The following GOLGA3 variants were observed in gnomAD, a reference collection of about 807,000 sequenced individuals.
GOLGA3 encodes the protein golgin subfamily A member 3.
GOLGA3 carries 75 observed loss-of-function variants against 169.4 expected under a neutral mutation model. That is an observed-to-expected ratio of 0.44 (90% confidence interval 0.37 to 0.54). The LOEUF (loss-of-function observed/expected upper bound fraction) is 0.54, where lower values mean the gene tolerates loss of function less well. Among genes scored for constraint, GOLGA3 ranks in the 20% least tolerant of loss-of-function variants. GOLGA3 has a pLI of 0.00. For missense variants in GOLGA3, 1,899 were observed against 1,930.0 expected (o/e 0.98, Z 0.30); for synonymous variants, 824 against 822.4 (o/e 1.00, Z -0.03).
intron 12 of GOLGA3, among the ~76,000 whole-genome samples, chr12:132,790,329 A>C (rs2046163112): frequency 6.6e-6 from 1 of 152,080 alleles, no homozygotes; most frequent in Admixed American, 6.6e-5. Context: ...GCGAGACTTC[A>C]TCTCAAAAAT....
chr12:132,786,470 C>A lies in GOLGA3; in HGVS notation c.2992G>T (p.Ala998Ser), dbSNP rs1442490104. 6.2e-7 allele frequency: 1 copy of A among 1,613,788 alleles called. No individual in the cohort carries two copies. The highest frequency in any genetic ancestry group is 1.1e-5 in the South Asian group (1 of 91,074). The change falls in exon 15 of 24, where the codon GCC becomes TCC. Residue 998 changes from alanine (A) to serine (S), a missense_variant. Transcript: ENST00000450791. ...AQKEMKTKHK[A>S]YENAVGILSR... ...AGGATGCCCACGGCGTTCTCGTAGG[C>A]CTTATGTTTGGTCTTCATCTCCTTC...
intron 2 of GOLGA3, among the ~76,000 whole-genome samples, chr12:132,819,098 G>C (rs1281522077): frequency 6.6e-6 from 1 of 150,728 alleles, no homozygotes. Flanking sequence ...GGGGAGGGAG[G>C]GTCCTCAGGG....
chr12:132,796,668 C>T lies in GOLGA3; in HGVS notation c.1971G>A (p.Met657Ile), dbSNP rs1948857531. The change falls in exon 10 of 24, where the codon ATG becomes ATA. Residue 657 changes from methionine (M) to isoleucine (I), a missense_variant. Transcript: ENST00000450791. ...ADMLDQEAAF[M>I]QIQEAKTMVE... is the part of the protein sequence containing the mutation. The stretch of plus-strand genomic sequence containing the variant: ...CCATCGTCTTTGCCTCCTGAATCTG[C>T]ATGAAGGCTGCTTCCTGATCCAACA... The T allele has an allele frequency of 6.2e-7, 1 of 1,614,072 alleles. No homozygotes were observed. Among genetic ancestry groups the T allele is most frequent in the South Asian group, 1.1e-5 (1 of 91,086 alleles).
At position 132,769,591 on chromosome 12, in the gene GOLGA3, AAC is replaced by A. The variant is rs1234172179; in HGVS notation, c.*3512_*3513del. On this transcript the variant is annotated 3_prime_UTR_variant, in exon 24 of 24. Transcript: ENST00000450791. ...ATCAATCTCACATATACCACGGAAA[AAC>A]ACATGAAAACCAAGTTACGTTGTTT... 1.3e-5 allele frequency: 2 copies of A among 152,232 alleles called. No homozygotes were observed. The highest frequency in any genetic ancestry group is 2.9e-5 in the Non-Finnish European group (2 of 68,048). 9.4% of individuals were successfully genotyped at this position (152,232 alleles called of 1,614,324 possible). A position where few individuals can be genotyped will look rare whatever the true frequency, so the allele number is the denominator to read the frequency against.
rs374330159 is a variant in GOLGA3 at position 132,776,952 on chromosome 12, C to T, written c.3855+6G>A. On this transcript the variant is annotated splice_donor_region_variant and intron_variant, in intron 20 of 23. Transcript: ENST00000450791. ...CCCTGCAAGTCCAGCCCCCGTGAAC[C>T]GTCACCTCTTGGTTTCCCACGGGCT... 2.2e-5 allele frequency: 35 copies of T among 1,576,786 alleles called. No homozygotes were observed. The highest frequency in any genetic ancestry group is 2.7e-5 in the African/African-American group (2 of 73,878).
intron 8 of GOLGA3, among the ~76,000 whole-genome samples, chr12:132,800,872 T>C (rs1027619244): frequency 1.2e-4 from 18 of 152,062 alleles, no homozygotes; most frequent in African/African-American, 4.3e-4. Context: ...GGTAGGAGAA[T>C]AGCTTGAGTC....
chr12:132,782,990 G>T (rs1313138522), intron 16 of GOLGA3, among the ~76,000 whole-genome samples: 1 of 152,154 alleles, frequency 6.6e-6, no homozygotes, highest in Non-Finnish European at 1.5e-5. Context: ...GAGGTCAGGG[G>T]TTTGAGACCA....
intron 8 of GOLGA3, among the ~76,000 whole-genome samples, chr12:132,800,261 T>C (rs550375990): frequency 6.6e-6 from 1 of 152,194 alleles, no homozygotes; most frequent in Non-Finnish European, 1.5e-5. Context: ...TCTGGAAGGC[T>C]GAGGAAGGCG....
At chr12:132,811,261 C>T (rs1161517436) in intron 4 of GOLGA3, among the ~76,000 whole-genome samples, 2 of 152,142 alleles carry the variant, frequency 1.3e-5, no homozygotes, top group East Asian at 1.9e-4. Context: ...TACACTCTCT[C>T]GTCTCCGCAC....
At position 132,769,649 on chromosome 12, in the gene GOLGA3, C is replaced by T. The variant is rs1040901573; in HGVS notation, c.*3456G>A. On this transcript the variant is annotated 3_prime_UTR_variant, in exon 24 of 24. Transcript: ENST00000450791. The stretch of plus-strand genomic sequence containing the variant: ...ACATCAGAAAAACAAGTAGTGACAT[C>T]GTGAAGTGCCCTAGCCTGTTGTGAC... 1.3e-5 allele frequency: 2 copies of T among 152,194 alleles called. No individual in the cohort carries two copies. The highest frequency in any genetic ancestry group is 2.1e-4 in the South Asian group (1 of 4,836). 9.4% of individuals were successfully genotyped at this position (152,194 alleles called of 1,614,324 possible). A position where few individuals can be genotyped will look rare whatever the true frequency, so the allele number is the denominator to read the frequency against.
rs763321337 is a variant in GOLGA3, at chr12:132,796,200, C to A, written c.2121G>T (p.Gln707His). The A allele has an allele frequency of 1.1e-5, 17 of 1,593,090 alleles. No individual in the cohort carries two copies. Among genetic ancestry groups the A allele is most frequent in the Non-Finnish European group, 1.5e-5 (17 of 1,166,140 alleles). ...GCAAAGCCTCAAGCTGCTGGTCTCG[C>A]TGGAGTAAAGTCAACTTCACCTGGA... ...QLEQVKLTLL[Q>H]RDQQLEALQQ... Residue 707 changes from glutamine to histidine, a missense_variant, in exon 11 of 24, where the codon CAG becomes CAT. Transcript: ENST00000450791.
chr12:132,799,534 G>A (rs756412023), intron 8 of GOLGA3, among the ~76,000 whole-genome samples: 2 of 152,108 alleles, frequency 1.3e-5, no homozygotes, highest in African/African-American at 4.8e-5. Context: ...CAGCTACTTG[G>A]GGGGCTGAGG....
chr12:132,802,313 A>G (rs1368397837), intron 7 of GOLGA3, among the ~76,000 whole-genome samples: 2 of 151,256 alleles, frequency 1.3e-5, no homozygotes, highest in Non-Finnish European at 2.9e-5. Context: ...GCCAACAGCA[A>G]CTTGACCAAC....
intron 1 of GOLGA3, chr12:132,825,927 T>C: frequency 1.0e-6 from 1 of 956,986 alleles, no homozygotes; most frequent in Non-Finnish European, 1.7e-6. Context: ...CTCTCTGGCG[T>C]GGTGACCAAG....
chr12:132,781,431 C>A (rs534973493), intron 17 of GOLGA3, among the ~76,000 whole-genome samples: 1 of 152,076 alleles, frequency 6.6e-6, no homozygotes, highest in East Asian at 1.9e-4. Flanking sequence ...CGGTGGTGCA[C>A]GCCTGTAGTC....
At position 132,796,038 on chromosome 12, in the gene GOLGA3, G is replaced by A. The variant is rs749097387; in HGVS notation, c.2283C>T (p.Ala761=). The change falls in exon 11 of 24, where the codon GCC becomes GCT. Residue 761 remains alanine, a synonymous_variant. Transcript: ENST00000450791. ...QARLGELQGE[A]ASREDTICLL... is the part of the protein sequence containing the mutation. ...GGCAGATCGTGTCCTCCCTGGAGGC[G>A]GCCTCGCCCTGCAGCTCCCCCAGCC... 1.1e-5 allele frequency: 18 copies of A among 1,612,468 alleles called. No individual in the cohort carries two copies. Among genetic ancestry groups the A allele is most frequent in the African/African-American group, 4.0e-5 (3 of 74,920 alleles).
At chr12:132,813,231 C>G (rs1319768178) in intron 4 of GOLGA3, 76 bp downstream of exon 4, 2 of 967,246 alleles carry the variant, frequency 2.1e-6, no homozygotes, top group African/African-American at 1.6e-5. Flanking sequence ...TGGCAGGTCC[C>G]CGGGTTATGT....
chr12:132,825,908 G>C, intron 1 of GOLGA3: 1 of 965,836 alleles, frequency 1.0e-6, no homozygotes, highest in South Asian at 1.3e-5. Flanking sequence ...CTCCATTCGA[G>C]GGCGGATCCT....
At chr12:132,816,050 T>TAGCCGGGCCTGGTGGCGGGTGC (rs566128023) in intron 3 of GOLGA3, among the ~76,000 whole-genome samples, 106 of 152,158 alleles carry the variant, frequency 7.0e-4, no homozygotes, top group Middle Eastern at 3.4e-3. Context: ...TACAAAAAAT[T>TAGCCGGGCCTGGTGGCGGGTGC]AGCCGGGCCT....
Sources: allele counts gnomAD v4.1 joint callset (sites outside exome capture counted in the v4.1 genomes callset), GRCh38; gene constraint gnomAD v4.1.1; transcripts MANE v1.5; gene names NCBI Gene and HGNC (gene_info 2026-07-23, HGNC 2026-07-21).